Variants in DENND1A observed in about 807,000 individuals in gnomAD.
The protein encoded by DENND1A is DENN domain containing 1A, also known as DENN domain-containing protein 1A.
A neutral mutation model predicts 113.7 loss-of-function variants in DENND1A; 51 were observed. That is an observed-to-expected ratio of 0.45 (90% CI 0.36 to 0.57). The LOEUF is 0.57. DENND1A is among the 20% of genes least tolerant of loss of function. The probability of loss-of-function intolerance (pLI) is 0.00; values close to 1 mark genes in which losing one functional copy is unlikely to be tolerated. For synonymous variants in DENND1A, 565 were observed against 570.8 expected, an observed-to-expected ratio of 0.99 and a Z score of 0.14; for missense variants, 1,258 against 1,395.9, an observed-to-expected ratio of 0.90 and a Z score of 1.57.
intron 2 of DENND1A, among the ~76,000 whole-genome samples, chr9:123,810,920 G>A (rs751441635): frequency 7.2e-5 from 11 of 152,104 alleles, no homozygotes; most frequent in Middle Eastern, 6.8e-3. Flanking sequence ...CACCACGCCC[G>A]GCTAATTTTT....
At chr9:123,867,856 T>C (rs1350062147) in intron 2 of DENND1A, among the ~76,000 whole-genome samples, 1 of 152,210 alleles carries the variant, frequency 6.6e-6, no homozygotes, top group African/African-American at 2.4e-5. Flanking sequence ...CTCAAGATAC[T>C]GTAAGACACT....
chr9:123,909,119 A>G (rs572908453), intron 1 of DENND1A, among the ~76,000 whole-genome samples: 1 of 151,974 alleles, frequency 6.6e-6, no homozygotes, highest in Non-Finnish European at 1.5e-5. Flanking sequence ...AACACCGCAT[A>G]TTCTCACTCA....
intron 13 of DENND1A, among the ~76,000 whole-genome samples, chr9:123,464,898 C>T (rs2048808773): frequency 6.7e-6 from 1 of 149,236 alleles, no homozygotes; most frequent in South Asian, 2.1e-4. Context: ...CCTGTAATCC[C>T]AGCACTGTGG....
At chr9:123,765,689 T>C (rs1458974458) in intron 4 of DENND1A, among the ~76,000 whole-genome samples, 1 of 152,216 alleles carries the variant, frequency 6.6e-6, no homozygotes, top group Non-Finnish European at 1.5e-5. Context: ...CTGAAGCTGG[T>C]TGTCAGCTAT....
chr9:123,915,832 T>C (rs1854997780), intron 1 of DENND1A, among the ~76,000 whole-genome samples: 2 of 152,166 alleles, frequency 1.3e-5, no homozygotes, highest in South Asian at 4.1e-4. Context: ...CGTGACCATA[T>C]ATGTTTGTAA....
chr9:123,638,145 C>T (rs1310289807), intron 9 of DENND1A, among the ~76,000 whole-genome samples: 1 of 152,094 alleles, frequency 6.6e-6, no homozygotes, highest in South Asian at 2.1e-4. Flanking sequence ...ACCGGGGCAA[C>T]AAGCTTTCAT....
chr9:123,917,930 G>A (rs1002799190), intron 1 of DENND1A, among the ~76,000 whole-genome samples: 2 of 151,356 alleles, frequency 1.3e-5, no homozygotes, highest in African/African-American at 4.9e-5. Context: ...CTAACACGGT[G>A]AAACCCCATC....
At chr9:123,619,839 C>T (rs1236973238) in intron 10 of DENND1A, among the ~76,000 whole-genome samples, 2 of 152,050 alleles carry the variant, frequency 1.3e-5, no homozygotes, top group Non-Finnish European at 2.9e-5. Context: ...TAGAGATCAG[C>T]ACAGAATCTG....
intron 8 of DENND1A, among the ~76,000 whole-genome samples, chr9:123,661,057 G>A (rs544260779): frequency 2.6e-5 from 4 of 152,370 alleles, no homozygotes; most frequent in African/African-American, 9.6e-5. Context: ...CTGAGGTTGA[G>A]AAGGAAAGCT....
chr9:123,452,245 T>G (rs1270233162), intron 17 of DENND1A, 31 bp downstream of exon 17: 1 of 1,601,694 alleles, frequency 6.2e-7, no homozygotes, highest in East Asian at 2.2e-5. Context: ...ACTGATCTGT[T>G]TTGGCTCCTG....
chr9:123,665,407 G>C (rs1442791424), intron 8 of DENND1A, among the ~76,000 whole-genome samples: 1 of 152,060 alleles, frequency 6.6e-6, no homozygotes, highest in African/African-American at 2.4e-5. Context: ...GGGAACTCTG[G>C]TCTGAATTTT....
intron 2 of DENND1A, among the ~76,000 whole-genome samples, chr9:123,856,126 A>G (rs1219382280): frequency 1.3e-5 from 2 of 152,230 alleles, no homozygotes; most frequent in Admixed American, 1.3e-4. Flanking sequence ...TTGGATAACA[A>G]GGGAGAAAAA....
At chr9:123,891,673 A>G (rs1477330880) in intron 1 of DENND1A, among the ~76,000 whole-genome samples, 1 of 152,218 alleles carries the variant, frequency 6.6e-6, no homozygotes, top group Non-Finnish European at 1.5e-5. Context: ...ACCATCTTAT[A>G]CCGGCAGTAG....
intron 2 of DENND1A, among the ~76,000 whole-genome samples, chr9:123,863,108 C>G (rs1435308382): frequency 6.6e-6 from 1 of 152,134 alleles, no homozygotes; most frequent in East Asian, 1.9e-4. Context: ...TGGCCAATGG[C>G]CCTACTTAGA....
chr9:123,508,381 A>C (rs573000898), intron 13 of DENND1A, among the ~76,000 whole-genome samples: 5 of 152,244 alleles, frequency 3.3e-5, no homozygotes, highest in Non-Finnish European at 5.9e-5. Flanking sequence ...GTAAATTCTA[A>C]GACGACACCC....
In DENND1A at chr9:123,409,604, T is replaced by C. The variant is rs570405887; in HGVS notation, c.1542+2172A>G. On this transcript the variant is annotated intron_variant, in intron 20 of 23. Transcript: ENST00000394215. ...TGACCTTATTTGCAGTTGAGGAACC[T>C]GGGTTAAGTTACCAAGCATCAGTTT... 1.8e-4 allele frequency among the ~76,000 whole-genome samples: 28 copies of C among 151,974 alleles called. 1 individual carries two copies. Among genetic ancestry groups the C allele is most frequent in the Admixed American group, 1.7e-3 (26 of 15,266 alleles).
chr9:123,911,869 A>C (rs1375810903), intron 1 of DENND1A, among the ~76,000 whole-genome samples: 1 of 151,380 alleles, frequency 6.6e-6, no homozygotes, highest in Non-Finnish European at 1.5e-5. Context: ...TTTTTTTTGT[A>C]TTTTTAGTAG....
chr9:123,654,198 A>G (rs1321203635), intron 8 of DENND1A, among the ~76,000 whole-genome samples: 3 of 152,170 alleles, frequency 2.0e-5, no homozygotes, highest in Non-Finnish European at 2.9e-5. Context: ...TCTCCTCACA[A>G]ACAAAAATAT....
At chr9:123,514,215 G>T (rs1177884346) in intron 13 of DENND1A, among the ~76,000 whole-genome samples, 1 of 151,946 alleles carries the variant, frequency 6.6e-6, no homozygotes, top group Non-Finnish European at 1.5e-5. Flanking sequence ...GACCTTGAAT[G>T]GTGCAATGAG....
Sources: gnomAD v4.1 joint callset for allele counts (sites outside exome capture counted in the v4.1 genomes callset) on GRCh38, gnomAD v4.1.1 for gene constraint, MANE v1.5 for transcripts, NCBI Gene and HGNC (gene_info 2026-07-23, HGNC 2026-07-21) for gene names.